The following SEC22A variants were observed in gnomAD, a reference collection of about 807,000 sequenced individuals.
SEC22A encodes the protein vesicle-trafficking protein SEC22a.
SEC22A carries 22 observed loss-of-function variants against 35.3 expected under a neutral mutation model. That is an observed-to-expected ratio of 0.62 (90% CI 0.45 to 0.89). The LOEUF is 0.89. Among genes scored for constraint, SEC22A ranks in the 40% least tolerant of loss-of-function variants. SEC22A has a pLI of 0.00. For missense variants in SEC22A, 354 were observed against 362.5 expected, an observed-to-expected ratio of 0.98 and a Z score of 0.19; for synonymous variants, 119 against 129.5, an observed-to-expected ratio of 0.92 and a Z score of 0.55.
intron 4 of SEC22A, among the ~76,000 whole-genome samples, chr3:123,234,584 A>G (rs1328664759): frequency 1.3e-5 from 2 of 151,984 alleles, no homozygotes; most frequent in African/African-American, 4.8e-5. Flanking sequence ...TTGGACCCCT[A>G]CCTCAAAAAA....
chr3:123,268,049 TC>T (rs1483084879), intron 6 of SEC22A, among the ~76,000 whole-genome samples: 1 of 152,136 alleles, frequency 6.6e-6, no homozygotes, highest in African/African-American at 2.4e-5. Context: ...TTCATTGCCA[TC>T]TAGTGGGAAT....
At chr3:123,218,672 A>C (rs538917859) in intron 2 of SEC22A, among the ~76,000 whole-genome samples, 21 of 152,336 alleles carry the variant, frequency 1.4e-4, no homozygotes, top group African/African-American at 5.1e-4. Context: ...CTAGAAGACA[A>C]GTGAAGTTCT....
intron 5 of SEC22A, 57 bp from the exon 6 acceptor site, chr3:123,259,467 T>C (rs1937827501): frequency 2.4e-6 from 3 of 1,234,106 alleles, no homozygotes; most frequent in Admixed American, 3.6e-5. Flanking sequence ...TGATGGATTG[T>C]TTCTGGAAAT....
chr3:123,214,077 C>T (rs1399605885), intron 2 of SEC22A, among the ~76,000 whole-genome samples: 1 of 152,032 alleles, frequency 6.6e-6, no homozygotes, highest in African/African-American at 2.4e-5. Context: ...CATCTCTAAT[C>T]CAAGCTACTC....
chr3:123,228,779 G>C (rs1024929814), intron 4 of SEC22A, among the ~76,000 whole-genome samples: 2 of 151,944 alleles, frequency 1.3e-5, no homozygotes, highest in Non-Finnish European at 2.9e-5. Flanking sequence ...GTATGATAAT[G>C]TTGCATCAAA....
At chr3:123,229,861 CAA>C (rs779270534) in intron 4 of SEC22A, among the ~76,000 whole-genome samples, 2 of 101,700 alleles carry the variant, frequency 2.0e-5, no homozygotes, top group Admixed American at 9.9e-5. Flanking sequence ...GACTTCATCT[CAA>C]AAAAAAAAAA....
chr3:123,235,512 T>C (rs1937403571), intron 4 of SEC22A, among the ~76,000 whole-genome samples: 1 of 152,102 alleles, frequency 6.6e-6, no homozygotes, highest in South Asian at 2.1e-4. Flanking sequence ...ATGGTTAAAA[T>C]TAAAAAGATA....
At chr3:123,213,276 GC>G (rs1936970572) in intron 2 of SEC22A, among the ~76,000 whole-genome samples, 1 of 152,146 alleles carries the variant, frequency 6.6e-6, no homozygotes, top group African/African-American at 2.4e-5. Context: ...ATGACATTGA[GC>G]TTAGACTGAA....
chr3:123,239,962 A>G (rs1057239034), intron 4 of SEC22A, among the ~76,000 whole-genome samples: 21 of 152,182 alleles, frequency 1.4e-4, no homozygotes, highest in South Asian at 4.1e-4. Context: ...AATAATTTCA[A>G]TGGACTCTGG....
intron 5 of SEC22A, 69 bp from the exon 6 acceptor site, chr3:123,259,455 C>A (rs1318823734): frequency 9.2e-7 from 1 of 1,088,212 alleles, no homozygotes; most frequent in East Asian, 2.4e-5. Context: ...TACATCCTAT[C>A]TTGATGGATT....
chr3:123,246,426 CAGAG>C (rs547614566), intron 5 of SEC22A, among the ~76,000 whole-genome samples: 1 of 152,152 alleles, frequency 6.6e-6, no homozygotes, highest in Non-Finnish European at 1.5e-5. Context: ...TCTGATCAGA[CAGAG>C]AGCAGTGGAA....
Position 123,247,813 on chromosome 3 carries a change from C to T in SEC22A, c.657+1799C>T, listed in dbSNP as rs79377487. 9.8e-3 allele frequency among the ~76,000 whole-genome samples: 1,485 copies of T among 152,216 alleles called. 9 individuals carry two copies. Among genetic ancestry groups the T allele is most frequent in the Middle Eastern group, 0.037 (11 of 294 alleles). On this transcript the variant is annotated intron_variant, in intron 5 of 6. Coordinates refer to ENST00000492595, the MANE Select transcript of SEC22A (RefSeq NM_012430.5). ...CAGACCATGAATATTGATACAAAAT[C>T]CTCAACAAAATACTATCAAATTGTA...
chr3:123,235,173 A>G (rs925027730), intron 4 of SEC22A, among the ~76,000 whole-genome samples: 1 of 152,198 alleles, frequency 6.6e-6, no homozygotes, highest in Non-Finnish European at 1.5e-5. Flanking sequence ...GATTACAGGC[A>G]TGTACTACCT....
intron 6 of SEC22A, among the ~76,000 whole-genome samples, chr3:123,261,667 A>C (rs994788743): frequency 6.6e-6 from 1 of 152,232 alleles, no homozygotes; most frequent in Non-Finnish European, 1.5e-5. Flanking sequence ...CTTAGTAATA[A>C]TGGCAGAATG....
chr3:123,256,006 G>C (rs924183584), intron 5 of SEC22A, among the ~76,000 whole-genome samples: 2 of 150,754 alleles, frequency 1.3e-5, no homozygotes, highest in African/African-American at 4.9e-5. Context: ...CAATATGTAT[G>C]TCTTAAGAGC....
intron 4 of SEC22A, among the ~76,000 whole-genome samples, chr3:123,227,346 G>A (rs1031394679): frequency 4.6e-5 from 7 of 152,022 alleles, no homozygotes; most frequent in Admixed American, 2.0e-4. Flanking sequence ...GTCAGCAACT[G>A]TGTGTCCTTT....
At chr3:123,213,962 TC>T (rs1936981746) in intron 2 of SEC22A, among the ~76,000 whole-genome samples, 1 of 151,994 alleles carries the variant, frequency 6.6e-6, no homozygotes, top group African/African-American at 2.4e-5. Context: ...GGCTGGCAGA[TC>T]ACCTGAGGTC....
intron 5 of SEC22A, among the ~76,000 whole-genome samples, chr3:123,253,549 T>C (rs943765630): frequency 6.6e-6 from 1 of 151,938 alleles, no homozygotes; most frequent in Non-Finnish European, 1.5e-5. Flanking sequence ...CCATCTCTAC[T>C]AAAAATACAA....
At position 123,271,556 on chromosome 3, in the gene SEC22A, A is replaced by C; in HGVS notation, c.758A>C (p.Asn253Thr). Residue 253 changes from asparagine to threonine, a missense_variant, in exon 7 of 7, where the codon AAT becomes ACT. By Grantham distance (65) the Asn-to-Thr change is moderately conservative. Coordinates refer to ENST00000492595, the MANE Select transcript of SEC22A (RefSeq NM_012430.5). Reference protein sequence around the residue: ...YLLVYYTGWRNVKSFLTFGLI... With the variant: ...YLLVYYTGWRTVKSFLTFGLI... ...CTTGTCTACTACACCGGCTGGCGGA[A>C]TGTCAAATCTTTTTTGACTTTTGGC... 2.5e-6 allele frequency: 4 copies of C among 1,614,022 alleles called. No homozygotes were observed. Among genetic ancestry groups the C allele is most frequent in the Middle Eastern group, 1.6e-4 (1 of 6,062 alleles).
Sources: gnomAD v4.1 joint callset for allele counts (sites outside exome capture counted in the v4.1 genomes callset) on GRCh38, gnomAD v4.1.1 for gene constraint, MANE v1.5 for transcripts, NCBI Gene and HGNC (gene_info 2026-07-23, HGNC 2026-07-21) for gene names.